CNTNAP2: variants seen among roughly 807,000 people sequenced by gnomAD.
CNTNAP2 encodes contactin-associated protein-like 2.
A neutral mutation model predicts 155.2 loss-of-function variants in CNTNAP2; 98 were observed. The observed-to-expected ratio is 0.63, with a 90% confidence interval of 0.54 to 0.75. The LOEUF (loss-of-function observed/expected upper bound fraction) is 0.75. CNTNAP2 is among the 30% of genes least tolerant of loss of function. The probability of loss-of-function intolerance (pLI) is 0.00; values close to 1 mark genes in which losing one functional copy is unlikely to be tolerated. For synonymous variants in CNTNAP2, 651 were observed against 631.2 expected, an observed-to-expected ratio of 1.03 and a Z score of -0.47; for missense variants, 1,727 against 1,688.1, an observed-to-expected ratio of 1.02 and a Z score of -0.40.
At chr7:147,482,756 A>C (rs963987463) in intron 10 of CNTNAP2, among the ~76,000 whole-genome samples, 2 of 141,530 alleles carry the variant, frequency 1.4e-5, no homozygotes, top group Non-Finnish European at 3.1e-5. Context: ...ATAAATAAAT[A>C]AATAATCGGC....
chr7:148,293,188 C>G (rs1207394212), intron 21 of CNTNAP2, among the ~76,000 whole-genome samples: 1 of 152,106 alleles, frequency 6.6e-6, no homozygotes, highest in Non-Finnish European at 1.5e-5. Context: ...TACATGCATT[C>G]CTGGACATTC....
intron 1 of CNTNAP2, among the ~76,000 whole-genome samples, chr7:146,123,144 A>C (rs2116721777): frequency 6.6e-6 from 1 of 152,312 alleles, no homozygotes; most frequent in Admixed American, 6.5e-5. Flanking sequence ...TGCTTGCTGA[A>C]GATCACATAT....
At chr7:148,150,010 G>T (rs1289243650) in intron 17 of CNTNAP2, among the ~76,000 whole-genome samples, 1 of 148,510 alleles carries the variant, frequency 6.7e-6, no homozygotes, top group African/African-American at 2.5e-5. Flanking sequence ...GAGGCACAAG[G>T]CACATCTCTC....
chr7:147,735,469 A>T (rs1371704699), intron 13 of CNTNAP2, among the ~76,000 whole-genome samples: 2 of 152,088 alleles, frequency 1.3e-5, no homozygotes, highest in Non-Finnish European at 2.9e-5. Flanking sequence ...GAGTAAGTGC[A>T]GTGTGGTGCT....
intron 10 of CNTNAP2, among the ~76,000 whole-genome samples, chr7:147,409,789 GAA>G (rs371357445): frequency 7.3e-6 from 1 of 136,688 alleles, no homozygotes. Context: ...GAACCATCAT[GAA>G]AAAAAAAAAA....
intron 13 of CNTNAP2, among the ~76,000 whole-genome samples, chr7:147,771,089 A>G (rs1797461786): frequency 6.6e-6 from 1 of 152,202 alleles, no homozygotes; most frequent in Non-Finnish European, 1.5e-5. Flanking sequence ...AGTGACAAAG[A>G]GTAGCTACAG....
intron 13 of CNTNAP2, among the ~76,000 whole-genome samples, chr7:147,879,411 A>T (rs146211987): frequency 6.6e-6 from 1 of 152,304 alleles, no homozygotes; most frequent in African/African-American, 2.4e-5. Flanking sequence ...AGATATGACA[A>T]ACTTGCCTTC....
chr7:146,204,152 A>C (rs574885173), intron 1 of CNTNAP2, among the ~76,000 whole-genome samples: 6 of 152,308 alleles, frequency 3.9e-5, no homozygotes, highest in African/African-American at 1.4e-4. Flanking sequence ...TTTTATTTAC[A>C]TCTCAGAGAT....
chr7:147,430,485 GC>G (rs1229750326), intron 10 of CNTNAP2, among the ~76,000 whole-genome samples: 5 of 152,064 alleles, frequency 3.3e-5, no homozygotes, highest in Non-Finnish European at 1.5e-5. Context: ...TATATCTTTT[GC>G]CAGTACAAGC....
chr7:147,247,216 C>T (rs184721744), intron 8 of CNTNAP2, among the ~76,000 whole-genome samples: 3 of 152,270 alleles, frequency 2.0e-5, no homozygotes, highest in Non-Finnish European at 2.9e-5. Flanking sequence ...CCCCTCTCCT[C>T]GGGGTTCTTA....
At chr7:147,162,300 G>A (rs1802041810) in intron 8 of CNTNAP2, 1 of 152,086 alleles carries the variant, frequency 6.6e-6, no homozygotes, top group East Asian at 1.9e-4. Flanking sequence ...AGCACATTTA[G>A]TAAAAGAAAA....
chr7:146,703,235 A>C (rs1371299307), intron 1 of CNTNAP2, among the ~76,000 whole-genome samples: 1 of 152,110 alleles, frequency 6.6e-6, no homozygotes, highest in East Asian at 1.9e-4. Flanking sequence ...GAAATAAACC[A>C]TGTGGTCTCA....
In CNTNAP2 at chr7:148,076,422, C is replaced by CTTTTTTTTTTTTTTTTT. The variant is rs771048326; in HGVS notation, c.2384-41681_2384-41665dup. 3.6e-4 allele frequency among the ~76,000 whole-genome samples: 18 copies of CTTTTTTTTTTTTTTTTT among 49,802 alleles called. 2 individuals are homozygous for CTTTTTTTTTTTTTTTTT. Among genetic ancestry groups the CTTTTTTTTTTTTTTTTT allele is most frequent in the South Asian group, 9.2e-4 (1 of 1,090 alleles). The allele number at this position is 49,802 out of a possible 152,430, so 32.7% of individuals were successfully genotyped here. A position where few individuals can be genotyped will look rare whatever the true frequency, so the allele number is the denominator to read the frequency against. On this transcript the variant is annotated intron_variant, in intron 15 of 23. Transcript: ENST00000361727. The stretch of plus-strand genomic sequence containing the variant: ...TGTAGACCTATGATAGCTCTGACTT[C>CTTTTTTTTTTTTTTTTT]TTTTTTTTTTTTTTTTTTTTTTTTT...
At chr7:146,447,855 A>AT (rs202083035) in intron 1 of CNTNAP2, among the ~76,000 whole-genome samples, 4,751 of 151,914 alleles carry the variant, frequency 0.031, 193 homozygotes, top group African/African-American at 0.089. Flanking sequence ...ATATAAAAAA[A>AT]CTGTGTTTAA....
In CNTNAP2 at chr7:148,116,656, T is replaced by G. The variant is rs1020179044; in HGVS notation, c.2384-1462T>G. Among the ~76,000 whole-genome samples, 7 of 152,220 alleles carry G rather than the reference T, an allele frequency of 4.6e-5. No individual in the cohort carries two copies. In the East Asian group the frequency reaches 1.3e-3, roughly 29 times the overall value. On this transcript the variant is annotated intron_variant, in intron 15 of 23. Coordinates refer to ENST00000361727, the MANE Select transcript of CNTNAP2 (RefSeq NM_014141.6). ...TTCTAAAAACAAAAACAAACAGCAT[T>G]AATTAAATAAGACCATATTTTAATA...
rs557404719 is a variant in CNTNAP2 at position 146,561,480 on chromosome 7, C to G, written c.98-212791C>G. On this transcript the variant is annotated intron_variant, in intron 1 of 23. Transcript: ENST00000361727. ...GACCAGCCTAGGCAACATAATGAGACCCTGTCTCTCCATTTTTTAGAAAAA... is the reference window on the plus strand; with the variant it reads ...GACCAGCCTAGGCAACATAATGAGAGCCTGTCTCTCCATTTTTTAGAAAAA... 7.6e-4 allele frequency among the ~76,000 whole-genome samples: 116 copies of G among 152,106 alleles called. 1 individual carries two copies. The highest frequency in any genetic ancestry group is 2.7e-3 in the African/African-American group (113 of 41,508).
chr7:147,181,941 A>G (rs1017533871), intron 8 of CNTNAP2, among the ~76,000 whole-genome samples: 1 of 152,120 alleles, frequency 6.6e-6, no homozygotes, highest in Non-Finnish European at 1.5e-5. Flanking sequence ...CCTGACCAAC[A>G]TGGTGAAACC....
At chr7:146,312,553 C>T (rs1333069747) in intron 1 of CNTNAP2, among the ~76,000 whole-genome samples, 2 of 152,166 alleles carry the variant, frequency 1.3e-5, no homozygotes, top group African/African-American at 4.8e-5. Flanking sequence ...CCCTTCACCT[C>T]ACCAATTTAT....
intron 3 of CNTNAP2, among the ~76,000 whole-genome samples, chr7:146,856,361 A>G (rs1300805963): frequency 6.6e-6 from 1 of 151,774 alleles, no homozygotes; most frequent in African/African-American, 2.4e-5. Flanking sequence ...CAATAGATAG[A>G]TAAAATGAGG....
Sources: allele counts gnomAD v4.1 joint callset (sites outside exome capture counted in the v4.1 genomes callset), GRCh38; gene constraint gnomAD v4.1.1; transcripts MANE v1.5; gene names NCBI Gene and HGNC (gene_info 2026-07-23, HGNC 2026-07-21).